Variants in C1QTNF3 observed in about 807,000 individuals in gnomAD.
C1QTNF3 encodes C1q and TNF related 3, also known as complement C1q tumor necrosis factor-related protein 3.
C1QTNF3 carries 26 observed loss-of-function variants against 32.6 expected under a neutral mutation model. The ratio of observed to expected loss-of-function variants is 0.80; its 90% CI spans 0.58 to 1.11. The LOEUF (loss-of-function observed/expected upper bound fraction) is 1.11, where lower values mean the gene tolerates loss of function less well. Among genes scored for constraint, C1QTNF3 ranks in the 50% least tolerant of loss-of-function variants. C1QTNF3 has a pLI of 0.00. For missense variants in C1QTNF3, 362 were observed against 398.2 expected, an observed-to-expected ratio of 0.91 and a Z score of 0.77; for synonymous variants, 155 against 146.0, an observed-to-expected ratio of 1.06 and a Z score of -0.44.
the C1QTNF3 span, among the ~76,000 whole-genome samples, chr5:34,073,576 C>T: frequency 6.6e-6 from 1 of 152,182 alleles, no homozygotes; most frequent in Admixed American, 6.5e-5. Context: ...CCCCAGACTA[C>T]ACAGAATTTC....
In C1QTNF3 at chr5:34,033,240, T is replaced by C. The variant is rs899322019; in HGVS notation, c.570+64A>G. 7.0e-6 allele frequency: 11 copies of C among 1,566,314 alleles called. No individual in the cohort carries two copies. In the African/African-American group the frequency reaches 8.3e-5, roughly 12 times the overall value. The stretch of plus-strand genomic sequence containing the variant: ...TTGAGGAAGCGCTCGAACATCCTGA[T>C]TCCTGGCCCCTTTTGGTCAGGCAGG... On this transcript the variant is annotated intron_variant, in intron 3 of 5. Transcript: ENST00000382065.
chr5:34,037,914 C>T (rs1006652016), intron 1 of C1QTNF3, among the ~76,000 whole-genome samples: 3 of 152,104 alleles, frequency 2.0e-5, no homozygotes, highest in African/African-American at 7.2e-5. Context: ...GCCTTTTAAA[C>T]CTCAGAAAAT....
the C1QTNF3 span, among the ~76,000 whole-genome samples, chr5:34,156,232 A>G: frequency 1.3e-5 from 2 of 151,956 alleles, no homozygotes; most frequent in African/African-American, 4.8e-5. Context: ...CACCAAGCCC[A>G]GGTAATTTGT....
the C1QTNF3 span, among the ~76,000 whole-genome samples, chr5:34,071,568 AT>A: frequency 2.0e-5 from 3 of 152,122 alleles, no homozygotes; most frequent in African/African-American, 4.8e-5. Context: ...CATTCGTACA[AT>A]GTACAGCCAT....
At chr5:34,128,458 C>G in the C1QTNF3 span, among the ~76,000 whole-genome samples, 1 of 152,198 alleles carries the variant, frequency 6.6e-6, no homozygotes, top group Admixed American at 6.5e-5. Flanking sequence ...GATAAATTCA[C>G]CGATAGCTCG....
intron 4 of C1QTNF3, among the ~76,000 whole-genome samples, chr5:34,026,749 C>A (rs183962038): frequency 2.6e-5 from 4 of 152,096 alleles, no homozygotes; most frequent in African/African-American, 9.7e-5. Context: ...AAATTAAACT[C>A]ATTCAACCCT....
intron 4 of C1QTNF3, among the ~76,000 whole-genome samples, chr5:34,028,003 C>G (rs960690042): frequency 6.6e-6 from 1 of 151,404 alleles, no homozygotes; most frequent in Non-Finnish European, 1.5e-5. Context: ...GACGGAGTCT[C>G]GCTCTGTCGC....
chr5:34,181,327 A>G, the C1QTNF3 span, among the ~76,000 whole-genome samples: 1 of 152,326 alleles, frequency 6.6e-6, no homozygotes, highest in Non-Finnish European at 1.5e-5. Flanking sequence ...GGAAACAGGC[A>G]TCTCCTCTGG....
chr5:34,027,386 T>A (rs1406699946), intron 4 of C1QTNF3, among the ~76,000 whole-genome samples: 1 of 152,222 alleles, frequency 6.6e-6, no homozygotes, highest in Non-Finnish European at 1.5e-5. Flanking sequence ...CAGATATACC[T>A]GTAAGTGATC....
At chr5:34,026,180 T>G in intron 4 of C1QTNF3, among the ~76,000 whole-genome samples, 1 of 152,064 alleles carries the variant, frequency 6.6e-6, no homozygotes, top group South Asian at 2.1e-4. Context: ...AAAATACCTG[T>G]AAGTGCTGCC....
the C1QTNF3 span, among the ~76,000 whole-genome samples, chr5:34,141,851 A>C: frequency 1.3e-5 from 2 of 152,066 alleles, no homozygotes; most frequent in African/African-American, 4.8e-5. Context: ...AGAGCATTTC[A>C]GATCTCCTAG....
At chr5:34,056,437 T>C in the C1QTNF3 span, among the ~76,000 whole-genome samples, 1 of 42,660 alleles carries the variant, frequency 2.3e-5, no homozygotes, top group Non-Finnish European at 4.3e-5. Context: ...TGTGTGTGTG[T>C]GTGTGTGTGT....
the C1QTNF3 span, among the ~76,000 whole-genome samples, chr5:34,065,697 TG>T: frequency 2.0e-5 from 3 of 151,278 alleles, no homozygotes; most frequent in African/African-American, 7.3e-5. Flanking sequence ...CAACAGATGC[TG>T]GAGAGGCTGC....
intron 2 of C1QTNF3, among the ~76,000 whole-genome samples, chr5:34,035,019 A>G (rs1248205630): frequency 6.6e-6 from 1 of 152,150 alleles, no homozygotes; most frequent in African/African-American, 2.4e-5. Flanking sequence ...GAGGATGAAG[A>G]CAATAAAACC....
chr5:34,072,371 G>GAA, the C1QTNF3 span, among the ~76,000 whole-genome samples: 13,865 of 117,594 alleles, frequency 0.12, 777 homozygotes, highest in South Asian at 0.18. Flanking sequence ...AAAAAAGAAA[G>GAA]AGAAAGAAAG....
the C1QTNF3 span, among the ~76,000 whole-genome samples, chr5:34,085,114 C>T: frequency 6.7e-6 from 1 of 148,336 alleles, no homozygotes; most frequent in South Asian, 2.1e-4. Flanking sequence ...CCTCAGCCTC[C>T]TGAGTAGCTG....
chr5:34,084,282 T>C, the C1QTNF3 span, among the ~76,000 whole-genome samples: 1 of 151,816 alleles, frequency 6.6e-6, no homozygotes, highest in Non-Finnish European at 1.5e-5. Flanking sequence ...GATCTCTATA[T>C]GTCTGAAATC....
Position 34,035,694 on chromosome 5 carries a change from C to T in C1QTNF3, c.368G>A (p.Arg123Gln), listed in dbSNP as rs774130728. ...TGGCCCAGGGGGGCCTTGGTAGCCTCGAAAGCTGTAGTCTCCATGACAACA... is the reference window on the plus strand; with the variant it reads ...TGGCCCAGGGGGGCCTTGGTAGCCTTGAAAGCTGTAGTCTCCATGACAACA... Reference protein sequence around the residue: ...SKCCHGDYSFRGYQGPPGPPG... With the variant: ...SKCCHGDYSFQGYQGPPGPPG... The change falls in exon 2 of 6, where the codon CGA becomes CAA. Residue 123 changes from arginine to glutamine, a missense_variant. Transcript: ENST00000382065. The T allele has an allele frequency of 1.4e-5, 22 of 1,611,792 alleles. No individual in the cohort carries two copies. Among genetic ancestry groups the T allele is most frequent in the East Asian group, 8.9e-5 (4 of 44,846 alleles).
the C1QTNF3 span, among the ~76,000 whole-genome samples, chr5:34,127,337 A>C: frequency 3.3e-5 from 5 of 152,122 alleles, no homozygotes; most frequent in Non-Finnish European, 7.4e-5. Context: ...AGTTTTGATC[A>C]AAATGTCGAT....
Sources: gnomAD v4.1 joint callset for allele counts (sites outside exome capture counted in the v4.1 genomes callset) on GRCh38, gnomAD v4.1.1 for gene constraint, MANE v1.5 for transcripts, NCBI Gene and HGNC (gene_info 2026-07-23, HGNC 2026-07-21) for gene names.